The following SMIM29 variants were observed in gnomAD, a reference collection of about 807,000 sequenced individuals.
SMIM29 encodes small integral membrane protein 29.
In SMIM29, 4 loss-of-function variants were observed where a neutral mutation model predicts 12.9. The observed-to-expected ratio is 0.31, with a 90% CI of 0.15 to 0.71. The LOEUF is 0.71. SMIM29 is among the 30% of genes least tolerant of loss of function. The pLI is 0.70. For synonymous variants in SMIM29, 50 were observed against 52.0 expected, an observed-to-expected ratio of 0.96 and a Z score of 0.17; for missense variants, 122 against 138.1, an observed-to-expected ratio of 0.88 and a Z score of 0.58.
chr6:34,247,256 G>A, intron 3 of SMIM29, 107 bp from the exon 4 acceptor site: 2 of 1,586,454 alleles, frequency 1.3e-6, no homozygotes, highest in Non-Finnish European at 1.7e-6. Flanking sequence ...TCCAGTGGGT[G>A]CCTTTTGGGA....
chr6:34,249,003 G>A lies in SMIM29; in HGVS notation c.-98C>T. On this transcript the variant is annotated 5_prime_UTR_variant, in exon 1 of 5. Transcript: ENST00000476320. ...CCTCCCGCCGCTGCAGCCCCGACAG[G>A]AACGCCCTCGGTTGGCTCCCGGGCC... 1 of 985,590 alleles carries A rather than the reference G, an allele frequency of 1.0e-6. No homozygotes were observed. The highest frequency in any genetic ancestry group is 1.2e-6 in the Non-Finnish European group (1 of 830,040). The allele number at this position is 985,590 out of a possible 1,614,324, so 61.1% of individuals were successfully genotyped here. A position where few individuals can be genotyped will look rare whatever the true frequency, so the allele number is the denominator to read the frequency against.
In SMIM29 at chr6:34,247,065, G is replaced by C. The variant is rs748651817; in HGVS notation, c.222C>G (p.Leu74=). The change falls in exon 4 of 5, where the codon CTC becomes CTG. Residue 74 remains leucine, a synonymous_variant. Coordinates refer to ENST00000476320, the MANE Select transcript of SMIM29 (RefSeq NM_001008703.4). ...EELHEAEQEL[L]SDMGDPKVVH... The stretch of plus-strand genomic sequence containing the variant: ...TCACCTTGGGGTCTCCCATGTCAGA[G>C]AGCAGCTCCTGCTCAGCCTCATGCA... The C allele has an allele frequency of 6.2e-7, 1 of 1,614,098 alleles. No individual in the cohort carries two copies. Among genetic ancestry groups the C allele is most frequent in the Admixed American group, 1.7e-5 (1 of 60,024 alleles).
In SMIM29 at chr6:34,246,706, CCAGCAGGGGGAGCCAGGTGA is replaced by C. The variant is rs771841146; in HGVS notation, c.*77_*96del. 55 of 1,613,690 alleles carry C rather than the reference CCAGCAGGGGGAGCCAGGTGA, an allele frequency of 3.4e-5. No homozygotes were observed. Among genetic ancestry groups the C allele is most frequent in the Middle Eastern group, 1.6e-4 (1 of 6,072 alleles). On this transcript the variant is annotated 3_prime_UTR_variant, in exon 5 of 5. Coordinates refer to ENST00000476320, the MANE Select transcript of SMIM29 (RefSeq NM_001008703.4). ...GGAGGGAGAAATGGAGACCCAGCACCCAGCAGGGGGAGCCAGGTGACAGCAGGGGAAGCAGATGGCAGGGC... is the reference window on the plus strand; with the variant it reads ...GGAGGGAGAAATGGAGACCCAGCACCCAGCAGGGGAAGCAGATGGCAGGGC...
chr6:34,247,021 C>T, intron 4 of SMIM29, 23 bp downstream of exon 4: 1 of 1,613,948 alleles, frequency 6.2e-7, no homozygotes, highest in Non-Finnish European at 8.5e-7. Flanking sequence ...GCCTCATTCT[C>T]CCCCTGGCCC....
In SMIM29 at chr6:34,247,137, C is replaced by A. The variant is rs1186387621; in HGVS notation, c.150G>T (p.Leu50=). ...YVQKKKRVDR[L]RHHLLPMYSY... Reference sequence around the variant, plus strand: ...TGTACATGGGGAGCAGGTGATGGCGCAGCCGGTCCACCCTGGGGAGCAGGG... The same window carrying A: ...TGTACATGGGGAGCAGGTGATGGCGAAGCCGGTCCACCCTGGGGAGCAGGG... The change falls in exon 4 of 5, where the codon CTG becomes CTT. Residue 50 remains leucine, a synonymous_variant. Coordinates refer to ENST00000476320, the MANE Select transcript of SMIM29 (RefSeq NM_001008703.4). The A allele has an allele frequency of 6.2e-7, 1 of 1,613,950 alleles. No homozygotes were observed. Among genetic ancestry groups the A allele is most frequent in the Non-Finnish European group, 8.5e-7 (1 of 1,180,016 alleles).
chr6:34,247,012 C>A, intron 4 of SMIM29, 32 bp downstream of exon 4: 1 of 1,613,860 alleles, frequency 6.2e-7, no homozygotes, highest in African/African-American at 1.3e-5. Flanking sequence ...TCCCACCTTG[C>A]CTCATTCTCC....
intron 2 of SMIM29, 55 bp from the exon 3 acceptor site, chr6:34,247,547 CAGAG>C (rs1762852312): frequency 1.9e-6 from 3 of 1,546,992 alleles, no homozygotes; most frequent in South Asian, 2.4e-5. Context: ...GGCCCACAGG[CAGAG>C]AGAGGCCCAC....
chr6:34,247,766 G>T lies in SMIM29; in HGVS notation c.26C>A (p.Ala9Asp). 2 of 1,353,836 alleles carry T rather than the reference G, an allele frequency of 1.5e-6. No individual in the cohort carries two copies. The highest frequency in any genetic ancestry group is 1.9e-6 in the Non-Finnish European group (2 of 1,058,898). The allele number at this position is 1,353,836 out of a possible 1,614,324, so 83.9% of individuals were successfully genotyped here. Residue 9 changes from alanine to aspartate, a missense_variant, in exon 2 of 5, where the codon GCC becomes GAC. Physicochemically the swap from Ala to Asp is moderately radical, Grantham distance 126. Transcript: ENST00000476320. ...CATGGAGTCGCTGTTGGCCTGGGGG[G>T]CATTGGGCACAGTGGTGTTACTCAT... MSNTTVPNAPQANSDSMVG... is the reference protein window; with the variant it reads MSNTTVPNDPQANSDSMVG...
At chr6:34,247,660 G>A (rs1762857721) in intron 2 of SMIM29, 21 bp downstream of exon 2, 2 of 1,425,454 alleles carry the variant, frequency 1.4e-6, no homozygotes, top group Non-Finnish European at 1.8e-6. Context: ...GGGTGTCTGT[G>A]TGTATATGAG....
intron 1 of SMIM29, chr6:34,248,256 C>CT (rs1762887025): frequency 3.0e-6 from 3 of 985,348 alleles, no homozygotes; most frequent in Non-Finnish European, 3.6e-6. Flanking sequence ...TAAATGAGGT[C>CT]TAAAGGAAGG....
At chr6:34,247,601 CTG>C (rs1244131284) in intron 2 of SMIM29, 78 bp downstream of exon 2, 26 of 1,475,204 alleles carry the variant, frequency 1.8e-5, no homozygotes, top group South Asian at 8.2e-5. Flanking sequence ...AGTGGGGACT[CTG>C]TGCAGACTGG....
chr6:34,247,710 TGAG>T lies in SMIM29; in HGVS notation c.79_81del (p.Leu27del). 4 of 1,397,934 alleles carry T rather than the reference TGAG, an allele frequency of 2.9e-6. No homozygotes were observed. Among genetic ancestry groups the T allele is most frequent in the Non-Finnish European group, 1.8e-6 (2 of 1,082,954 alleles). 86.6% of individuals were successfully genotyped at this position (1,397,934 alleles called of 1,614,324 possible). A position where few individuals can be genotyped will look rare whatever the true frequency, so the allele number is the denominator to read the frequency against. On this transcript the variant is annotated inframe_deletion, in exon 2 of 5. Coordinates refer to ENST00000476320, the MANE Select transcript of SMIM29 (RefSeq NM_001008703.4). ...GCCACCACCACCCCGACCAGGGTGA[TGAG>T]GAAGAAGGGCCCCAACACATAGCCC...
intron 1 of SMIM29, chr6:34,248,687 C>T: frequency 1.0e-6 from 1 of 985,554 alleles, no homozygotes; most frequent in Non-Finnish European, 1.2e-6. Context: ...GCGACCTACC[C>T]CCGTGTCCGT....
At position 34,246,554 on chromosome 6, in the gene SMIM29, GAAGGA is replaced by G. The variant is rs1260874251; in HGVS notation, c.*244_*248del. 1 of 1,580,914 alleles carries G rather than the reference GAAGGA, an allele frequency of 6.3e-7. No homozygotes were observed. The highest frequency in any genetic ancestry group is 8.6e-7 in the Non-Finnish European group (1 of 1,159,998). On this transcript the variant is annotated 3_prime_UTR_variant, in exon 5 of 5. Coordinates refer to ENST00000476320, the MANE Select transcript of SMIM29 (RefSeq NM_001008703.4). ...GTGTCTACCAGCCGCCCCCATCCCAGAAGGAAAGCCTCTTCCCATGAGTGCCTGTG... is the reference window on the plus strand; with the variant it reads ...GTGTCTACCAGCCGCCCCCATCCCAGAAGCCTCTTCCCATGAGTGCCTGTG...
intron 3 of SMIM29, 117 bp from the exon 4 acceptor site, chr6:34,247,266 A>C: frequency 6.4e-7 from 1 of 1,573,468 alleles, no homozygotes; most frequent in South Asian, 1.1e-5. Context: ...GCCTTTTGGG[A>C]CACACTATAC....
intron 1 of SMIM29, chr6:34,248,487 C>G (rs1010008763): frequency 5.9e-5 from 58 of 981,010 alleles, no homozygotes; most frequent in Non-Finnish European, 6.7e-5. Flanking sequence ...GATGATGTCA[C>G]CTTCCTCTTG....
chr6:34,246,976 C>G (rs1285089767), intron 4 of SMIM29, 68 bp downstream of exon 4: 5 of 1,611,022 alleles, frequency 3.1e-6, no homozygotes, highest in Admixed American at 1.7e-5. Flanking sequence ...TCAGTGTGGA[C>G]GAGTATGGCT....
Position 34,247,454 on chromosome 6 carries a change from C to T in SMIM29, c.137+13G>A. 2 of 1,576,892 alleles carry T rather than the reference C, an allele frequency of 1.3e-6. No individual in the cohort carries two copies. The highest frequency in any genetic ancestry group is 1.8e-5 in the Admixed American group (1 of 54,492). ...GTGTGGGGTTAGGGCGGGTGGGGGA[C>T]AGGGACACTCACCGCTTTTTCTTCT... On this transcript the variant is annotated intron_variant, in intron 3 of 4. Coordinates refer to ENST00000476320, the MANE Select transcript of SMIM29 (RefSeq NM_001008703.4).
chr6:34,247,316 C>T, intron 3 of SMIM29, 151 bp downstream of exon 3: 1 of 1,537,320 alleles, frequency 6.5e-7, no homozygotes, highest in Non-Finnish European at 8.8e-7. Context: ...GGGGCTTTCC[C>T]CAGTGAGTAA....
Sources: gnomAD v4.1 joint callset for allele counts on GRCh38, gnomAD v4.1.1 for gene constraint, MANE v1.5 for transcripts, NCBI Gene and HGNC (gene_info 2026-07-23, HGNC 2026-07-21) for gene names.